The following CD36 variants were observed in gnomAD, a reference collection of about 807,000 sequenced individuals.
The protein encoded by CD36 is platelet glycoprotein 4.
In CD36, 119 loss-of-function variants were observed where a neutral mutation model predicts 55.2. The ratio of observed to expected loss-of-function variants is 2.15; its 90% CI spans 1.86 to 2.51. CD36 has a LOEUF of 2.51. Among genes scored for constraint, CD36 ranks in the 30% most tolerant of loss-of-function variants. The pLI, the probability that CD36 is intolerant of heterozygous loss-of-function variation, is 0.00. For missense variants in CD36, 819 were observed against 555.5 expected (o/e 1.47, Z -4.77); for synonymous variants, 186 against 193.6 (o/e 0.96, Z 0.33).
chr7:80,670,058 C>A, intron 9 of CD36, 36 bp downstream of exon 9: 1 of 1,314,042 alleles, frequency 7.6e-7, no homozygotes, highest in Non-Finnish European at 1.1e-6. Flanking sequence ...ATGTCTGAGT[C>A]AGACCCCAGG....
intron 9 of CD36, chr7:80,670,770 A>G (rs567599325): frequency 1.8e-6 from 1 of 561,732 alleles, no homozygotes; most frequent in Admixed American, 3.2e-5. Context: ...ATAAATAAAC[A>G]TGGTACTTCA....
At position 80,646,654 on chromosome 7, in the gene CD36, C is replaced by A; in HGVS notation, c.-87C>A. ...TTATGATCTCTTTCTAATGATAGAA[C>A]CAGAGCTTGTAGAAACCACTTTAAT... On this transcript the variant is annotated splice_region_variant and 5_prime_UTR_variant, in exon 3 of 15. Coordinates refer to ENST00000447544, the MANE Select transcript of CD36 (RefSeq NM_001001548.3). 4 of 1,487,526 alleles carry A rather than the reference C, an allele frequency of 2.7e-6. No homozygotes were observed. The highest frequency in any genetic ancestry group is 3.8e-6 in the Non-Finnish European group (4 of 1,066,002). 92.1% of individuals were successfully genotyped at this position (1,487,526 alleles called of 1,614,324 possible). A position where few individuals can be genotyped will look rare whatever the true frequency, so the allele number is the denominator to read the frequency against.
chr7:80,650,295 A>G (rs1584381286), intron 3 of CD36, among the ~76,000 whole-genome samples: 1 of 152,116 alleles, frequency 6.6e-6, no homozygotes, highest in African/African-American at 2.4e-5. Context: ...ATTCCTACAC[A>G]ACCATGTTGA....
At chr7:80,648,368 C>T (rs370709318) in intron 3 of CD36, among the ~76,000 whole-genome samples, 2 of 152,230 alleles carry the variant, frequency 1.3e-5, no homozygotes, top group South Asian at 2.1e-4. Flanking sequence ...TCTTCCAATG[C>T]ACAGCGATTT....
intron 13 of CD36, 144 bp from the exon 14 acceptor site, chr7:80,673,839 C>CAAAAGG (rs1391623804): frequency 2.7e-5 from 19 of 696,684 alleles, no homozygotes; most frequent in Non-Finnish European, 4.9e-5. Context: ...TCTTGACTTG[C>CAAAAGG]AAAAGGAATT....
rs115277067 is a variant in CD36 at position 80,647,829 on chromosome 7, C to A, written c.120+969C>A. 2.3e-3 allele frequency among the ~76,000 whole-genome samples: 354 copies of A among 152,174 alleles called. 1 individual carries two copies. The highest frequency in any genetic ancestry group is 8.1e-3 in the African/African-American group (337 of 41,532). On this transcript the variant is annotated intron_variant, in intron 3 of 14. Transcript: ENST00000447544. ...TAAACATAATACTGGCCAAATAAAA[C>A]GAGTTCTGCCTTCAACTCTCTACCT...
At chr7:80,637,720 G>A (rs1199796695), upstream of CD36, among the ~76,000 whole-genome samples, 1 of 151,770 alleles carries the variant, frequency 6.6e-6, no homozygotes, top group African/African-American at 2.4e-5. Context: ...GGTATTCTTA[G>A]GTTACTTTAC....
chr7:80,628,113 A>G (rs1283989825), intron 1 of CD36, among the ~76,000 whole-genome samples: 1 of 152,056 alleles, frequency 6.6e-6, no homozygotes, highest in Non-Finnish European at 1.5e-5. Context: ...GAATAAACAA[A>G]GGTACTTCCT....
In CD36 at chr7:80,664,486, TAAAGGTA is replaced by T. The variant is rs776495734; in HGVS notation, c.699_701+4del. 64 of 1,543,068 alleles carry T rather than the reference TAAAGGTA, an allele frequency of 4.1e-5. No individual in the cohort carries two copies. The African/African-American group carries it at 7.9e-4, about 19-fold the overall frequency. On this transcript the variant is annotated frameshift_variant, in exon 7 of 15. Coordinates refer to ENST00000447544, the MANE Select transcript of CD36 (RefSeq NM_001001548.3). LOFTEE classifies it high-confidence loss of function. ...GTAAAGTTGCCATAATCGACACATA[TAAAGGTA>T]AAAGGTAAGTATTCTGGTAAAATGT... is the stretch of plus-strand genomic sequence containing the variant.
chr7:80,624,913 T>A (rs977739268), intron 1 of CD36: 1 of 152,122 alleles, frequency 6.6e-6, no homozygotes, highest in Non-Finnish European at 1.5e-5. Context: ...TATCCTCCCC[T>A]GCTTTTGATG....
rs192303439 is a variant in CD36 at position 80,666,341 on chromosome 7, T to A, written c.702-102T>A. 9.4e-4 allele frequency: 732 copies of A among 777,606 alleles called. 13 individuals carry two copies. In the Admixed American group the frequency reaches 0.014, roughly 15 times the overall value. 48.2% of individuals were successfully genotyped at this position (777,606 alleles called of 1,614,324 possible). A position where few individuals can be genotyped will look rare whatever the true frequency, so the allele number is the denominator to read the frequency against. On this transcript the variant is annotated intron_variant, in intron 7 of 14. Transcript: ENST00000447544. ...AAACTTAGTACTTGTCACATTTAAA[T>A]GCATCATATTAACAGAAGTATTGAA... is the stretch of plus-strand genomic sequence containing the variant.
chr7:80,614,198 T>G (rs1383865117), intron 1 of CD36, among the ~76,000 whole-genome samples: 1 of 152,210 alleles, frequency 6.6e-6, no homozygotes, highest in African/African-American at 2.4e-5. Flanking sequence ...CATTCTCTTT[T>G]TTGTTTACAT....
intron 1 of CD36, among the ~76,000 whole-genome samples, chr7:80,612,230 C>G (rs188462584): frequency 6.6e-6 from 1 of 152,284 alleles, no homozygotes; most frequent in South Asian, 2.1e-4. Context: ...CTATAATATG[C>G]TCAATACACT....
chr7:80,649,042 C>T (rs1356003706), intron 3 of CD36, among the ~76,000 whole-genome samples: 4 of 151,992 alleles, frequency 2.6e-5, no homozygotes, highest in Admixed American at 6.6e-5. Flanking sequence ...ACACAATAGT[C>T]GTCGGTATGT....
In CD36 at chr7:80,669,994, T is replaced by G. The variant is rs1291303625; in HGVS notation, c.790T>G (p.Leu264Val). 6.2e-7 allele frequency: 1 copy of G among 1,611,288 alleles called. No individual in the cohort carries two copies. Among genetic ancestry groups the G allele is most frequent in the African/African-American group, 1.3e-5 (1 of 74,850 alleles). ...FPPFVEKSQV[L>V]QFFSSDICRS... ...ACCTTTTGTTGAGAAAAGCCAGGTA[T>G]TGCAGTTCTTTTCTTCTGATATTTG... Residue 264 changes from leucine to valine, a missense_variant, in exon 9 of 15, where the codon TTG (leucine) becomes GTG (valine). Physicochemically the swap from Leu to Val is conservative, Grantham distance 32. Transcript: ENST00000447544.
chr7:80,671,905 T>C lies in CD36; in HGVS notation c.1007-17T>C, dbSNP rs1034586077. ...GGAAGTTATTAATTCCAATTGACTC[T>C]TAAAACTTGTCTTCAGGGAGACCTG... On this transcript the variant is annotated splice_polypyrimidine_tract_variant and intron_variant, in intron 10 of 14. Transcript: ENST00000447544. 3 of 1,609,246 alleles carry C rather than the reference T, an allele frequency of 1.9e-6. No individual in the cohort carries two copies. Among genetic ancestry groups the C allele is most frequent in the Non-Finnish European group, 2.5e-6 (3 of 1,176,528 alleles).
intron 3 of CD36, chr7:80,647,249 A>G (rs1795237070): frequency 4.1e-6 from 1 of 243,994 alleles, no homozygotes; most frequent in Non-Finnish European, 7.7e-6. Context: ...AATACTGAGA[A>G]AAGTAAAACT....
intron 1 of CD36, among the ~76,000 whole-genome samples, chr7:80,611,053 T>A (rs1041464627): frequency 6.6e-6 from 1 of 152,180 alleles, no homozygotes; most frequent in Non-Finnish European, 1.5e-5. Flanking sequence ...TTTTTGTGGT[T>A]GTTTCTTTCT....
At chr7:80,645,594 T>C (rs148679400) in intron 1 of CD36, among the ~76,000 whole-genome samples, 1,976 of 152,082 alleles carry the variant, frequency 0.013, 50 homozygotes, top group African/African-American at 0.043. Flanking sequence ...ATCGTGCCAC[T>C]GCACTCCAGC....
Sources: allele counts gnomAD v4.1 joint callset (sites outside exome capture counted in the v4.1 genomes callset), GRCh38; gene constraint gnomAD v4.1.1; transcripts MANE v1.5; gene names NCBI Gene and HGNC (gene_info 2026-07-23, HGNC 2026-07-21).